Variants in CD70 observed in about 807,000 individuals in gnomAD.
CD70 encodes the protein CD70 molecule.
In CD70, 6 loss-of-function variants were observed where a neutral mutation model predicts 9.0. That is an observed-to-expected ratio of 0.67 (90% confidence interval 0.37 to 1.32). The LOEUF is 1.32. Ranked by LOEUF, CD70 falls within the 40% of genes most tolerant of loss-of-function variation. CD70 has a pLI of 0.02. For missense variants in CD70, 235 were observed against 258.7 expected (o/e 0.91, Z 0.63); for synonymous variants, 108 against 112.3 (o/e 0.96, Z 0.24).
downstream of CD70, chr19:6,583,475 A>G (rs1915957147): frequency 1.6e-6 from 1 of 641,750 alleles, no homozygotes; most frequent in African/African-American, 1.8e-5. Context: ...AAATCCAAAA[A>G]GCCCTGGAAA....
chr19:6,589,822 G>GT (rs1260989048), intron 2 of CD70, among the ~76,000 whole-genome samples: 2 of 117,480 alleles, frequency 1.7e-5, no homozygotes, highest in African/African-American at 6.3e-5. Context: ...GTCTCTCCCT[G>GT]TTTCTTTCTT....
downstream of CD70, among the ~76,000 whole-genome samples, chr19:6,585,123 A>C (rs1233571212): frequency 6.6e-6 from 1 of 151,906 alleles, no homozygotes; most frequent in African/African-American, 2.4e-5. Context: ...AGTAGCTGGG[A>C]TTACAGGCGC....
At chr19:6,584,228 C>T (rs758132933), downstream of CD70, among the ~76,000 whole-genome samples, 29 of 150,550 alleles carry the variant, frequency 1.9e-4, no homozygotes, top group Non-Finnish European at 3.8e-4. Flanking sequence ...ATGGTATAAG[C>T]GCTAGGCGCG....
At chr19:6,589,368 T>C (rs573940900) in intron 2 of CD70, among the ~76,000 whole-genome samples, 15 of 149,718 alleles carry the variant, frequency 1.0e-4, no homozygotes, top group Admixed American at 6.6e-4. Flanking sequence ...TTCCTTCCTT[T>C]CTTTCTTTTT....
At chr19:6,585,021 C>A (rs966895804), downstream of CD70, among the ~76,000 whole-genome samples, 8 of 152,096 alleles carry the variant, frequency 5.3e-5, no homozygotes, top group African/African-American at 1.9e-4. Context: ...GTTTGCGACA[C>A]CCCTCACCAG....
Position 6,590,929 on chromosome 19 carries a change from G to T in CD70, c.74C>A (p.Pro25Gln), listed in dbSNP as rs1281666411. 1.2e-6 allele frequency: 2 copies of T among 1,614,092 alleles called. No homozygotes were observed. The highest frequency in any genetic ancestry group is 3.3e-5 in the Admixed American group (2 of 60,028). Residue 25 changes from proline to glutamine, a missense_variant, in exon 1 of 3, where the codon CCA (proline) becomes CAA (glutamine). Transcript: ENST00000245903. This position sits in a 1 kb window ranked among gnomAD's most constrained non-coding sequence, Gnocchi z 5.3. Reference sequence around the variant, plus strand: ...GCAGATCACCAAGCCCGCGACCAATGGGACCAAAGCAGCCCGCAGGACGCA... The same window carrying T: ...GCAGATCACCAAGCCCGCGACCAATTGGACCAAAGCAGCCCGCAGGACGCA... Reference protein sequence around the residue: ...YGCVLRAALVPLVAGLVICLV... With the variant: ...YGCVLRAALVQLVAGLVICLV...
In CD70 at chr19:6,590,939, C is replaced by T; in HGVS notation, c.64G>A (p.Ala22Thr). Residue 22 changes from alanine to threonine, a missense_variant, in exon 1 of 3, where the codon GCT (alanine) becomes ACT (threonine). Transcript: ENST00000245903. The surrounding 1 kb of genome is among the most constrained non-coding windows in gnomAD (Gnocchi z 5.3). ...RRPYGCVLRA[A>T]LVPLVAGLVI... is the part of the protein sequence containing the mutation. Reference sequence around the variant, plus strand: ...AAGCCCGCGACCAATGGGACCAAAGCAGCCCGCAGGACGCACCCATAGGGC... The same window carrying T: ...AAGCCCGCGACCAATGGGACCAAAGTAGCCCGCAGGACGCACCCATAGGGC... The T allele has an allele frequency of 6.2e-7, 1 of 1,614,094 alleles. No individual in the cohort carries two copies. The highest frequency in any genetic ancestry group is 2.2e-5 in the East Asian group (1 of 44,868).
At chr19:6,583,163 G>C (rs188761001), downstream of CD70, 3 of 463,812 alleles carry the variant, frequency 6.5e-6, no homozygotes, top group African/African-American at 2.0e-5. Context: ...GGGATTATCT[G>C]GCTTGGAATC....
In CD70 at chr19:6,586,250, T is replaced by C. The variant is rs145060542; in HGVS notation, c.352A>G (p.Thr118Ala). 30 of 1,613,816 alleles carry C rather than the reference T, an allele frequency of 1.9e-5. No individual in the cohort carries two copies. Among genetic ancestry groups the C allele is most frequent in the Non-Finnish European group, 2.3e-5 (27 of 1,179,992 alleles). Residue 118 changes from threonine to alanine, a missense_variant, in exon 3 of 3, where the codon ACG becomes GCG. Coordinates refer to ENST00000245903, the MANE Select transcript of CD70 (RefSeq NM_001252.5). ...IQVTLAICSS[T>A]TASRHHPTTL... is the part of the protein sequence containing the mutation. ...GTGGGGTGGTGCCTGGAGGCCGTCG[T>C]GGAGGAGCAGATGGCCAGCGTCACC...
At position 6,586,174 on chromosome 19, in the gene CD70, A is replaced by G; in HGVS notation, c.428T>C (p.Leu143Pro). ...ACAACCTTGGTGGAAGCTGAGACGC[A>G]GCAGGCTGATGCTACGGGAGGCGGG... ...CSPASRSISL[L>P]RLSFHQGCTI... The change falls in exon 3 of 3, where the codon CTG becomes CCG. Residue 143 changes from leucine (L) to proline (P), a missense_variant. Transcript: ENST00000245903. 1 of 1,614,164 alleles carries G rather than the reference A, an allele frequency of 6.2e-7. No individual in the cohort carries two copies.
downstream of CD70, among the ~76,000 whole-genome samples, chr19:6,582,346 ATCT>A (rs567944650): frequency 1.1e-5 from 1 of 92,276 alleles, no homozygotes; most frequent in Non-Finnish European, 2.3e-5. Flanking sequence ...AGGCAGTCAA[ATCT>A]TTTTTTTTTT....
At chr19:6,583,124 C>A, downstream of CD70, 1 of 446,708 alleles carries the variant, frequency 2.2e-6, no homozygotes, top group Non-Finnish European at 4.0e-6. Flanking sequence ...ACTTCCCCTT[C>A]TAGAAGTGAG....
chr19:6,589,699 G>A (rs1326121540), intron 2 of CD70, among the ~76,000 whole-genome samples: 4 of 151,324 alleles, frequency 2.6e-5, no homozygotes, highest in Non-Finnish European at 5.9e-5. Context: ...CGCCTCTCTC[G>A]TTTTTATTCT....
chr19:6,585,724 G>A (rs1915999571), downstream of CD70: 3 of 290,470 alleles, frequency 1.0e-5, no homozygotes, highest in South Asian at 1.4e-4. Context: ...GCCCAGGTTG[G>A]AGTGCAGTGG....
rs1358541878 is a variant in CD70, at chr19:6,586,311, A to T, written c.291T>A (p.Arg97=). The T allele has an allele frequency of 6.2e-7, 1 of 1,613,594 alleles. No homozygotes were observed. Among genetic ancestry groups the T allele is most frequent in the Non-Finnish European group, 8.5e-7 (1 of 1,180,020 alleles). ...HGPELDKGQL[R]IHRDGIYMVH... is the part of the protein sequence containing the mutation. ...CCATGTAGATGCCATCACGATGGATACGTAGCTGCCCCTTGTCCAGCTCTG... is the reference window on the plus strand; with the variant it reads ...CCATGTAGATGCCATCACGATGGATTCGTAGCTGCCCCTTGTCCAGCTCTG... The change falls in exon 3 of 3, where the codon CGT becomes CGA. Residue 97 remains arginine, a synonymous_variant. Coordinates refer to ENST00000245903, the MANE Select transcript of CD70 (RefSeq NM_001252.5).
chr19:6,584,950 G>A (rs1403997659), downstream of CD70, among the ~76,000 whole-genome samples: 2 of 151,906 alleles, frequency 1.3e-5, no homozygotes, highest in Admixed American at 1.3e-4. Context: ...TATTATTTAA[G>A]TTCTGGGGTA....
chr19:6,589,189 CTCTCTG>C (rs1184401571), intron 2 of CD70, among the ~76,000 whole-genome samples: 1 of 150,428 alleles, frequency 6.6e-6, no homozygotes, highest in Non-Finnish European at 1.5e-5. Context: ...CTTCTTCCCC[CTCTCTG>C]TCTCTGTCTC....
rs1232378115 is a variant in CD70 at position 6,585,912 on chromosome 19, C to T, written c.*108G>A. 6.9e-6 allele frequency: 5 copies of T among 729,512 alleles called. No individual in the cohort carries two copies. The South Asian group carries it at 8.1e-5, about 12-fold the overall frequency. The allele number at this position is 729,512 out of a possible 1,614,324, so 45.2% of individuals were successfully genotyped here. ...TTCTCTTGTCCTGCCACCACTACCC[C>T]CCACCACACTCCCACCCCAACCCCG... On this transcript the variant is annotated 3_prime_UTR_variant, in exon 3 of 3. Coordinates refer to ENST00000245903, the MANE Select transcript of CD70 (RefSeq NM_001252.5).
chr19:6,583,553 CTTTTTTT>C (rs72193958), downstream of CD70: 21 of 402,628 alleles, frequency 5.2e-5, no homozygotes, highest in African/African-American at 1.2e-4. Flanking sequence ...TAATTGTAGT[CTTTTTTT>C]TTTTTTTTTT....
Sources: allele counts gnomAD v4.1 joint callset (sites outside exome capture counted in the v4.1 genomes callset), GRCh38; gene constraint gnomAD v4.1.1; non-coding constraint Gnocchi (gnomAD v3.1); transcripts MANE v1.5; gene names NCBI Gene and HGNC (gene_info 2026-07-23, HGNC 2026-07-21).